The following AUTS2 variants were observed in gnomAD, a reference collection of about 807,000 sequenced individuals.
The protein encoded by AUTS2 is autism susceptibility gene 2 protein.
AUTS2 carries 17 observed loss-of-function variants against 112.4 expected under a neutral mutation model. That is an observed-to-expected ratio of 0.15 (90% CI 0.10 to 0.23). The LOEUF is 0.23. Ranked by LOEUF, AUTS2 falls within the 10% of genes least tolerant of loss-of-function variation. The pLI is 1.00. For missense variants in AUTS2, 1,510 were observed against 1,701.6 expected, an observed-to-expected ratio of 0.89 and a Z score of 1.98; for synonymous variants, 751 against 702.7, an observed-to-expected ratio of 1.07 and a Z score of -1.09.
At chr7:70,337,503 C>A (rs1452940729) in intron 4 of AUTS2, among the ~76,000 whole-genome samples, 1 of 152,182 alleles carries the variant, frequency 6.6e-6, no homozygotes, top group Non-Finnish European at 1.5e-5. Flanking sequence ...GTGCACTGTT[C>A]TGGAGGGTGA....
At chr7:70,719,150 A>T (rs1020637669) in intron 6 of AUTS2, among the ~76,000 whole-genome samples, 1 of 152,184 alleles carries the variant, frequency 6.6e-6, no homozygotes, top group Non-Finnish European at 1.5e-5. Flanking sequence ...TGAGGAAACT[A>T]AGGCTGAACA....
intron 1 of AUTS2, among the ~76,000 whole-genome samples, chr7:69,826,577 A>G (rs899728089): frequency 2.0e-5 from 3 of 152,164 alleles, no homozygotes; most frequent in Non-Finnish European, 2.9e-5. Context: ...GCATCTTGCC[A>G]TTTGCCTCTG....
Position 70,789,983 on chromosome 7 carries a change from G to A in AUTS2, c.2767G>A (p.Gly923Ser), listed in dbSNP as rs1449975429. The change falls in exon 19 of 19, where the codon GGC becomes AGC. Residue 923 changes from glycine (G) to serine (S), a missense_variant. Around this residue, in one of 3 missense-constraint regions of AUTS2, gnomAD observed 788 missense variants for 797.6 expected, o/e 0.99. Coordinates refer to ENST00000342771, the MANE Select transcript of AUTS2 (RefSeq NM_015570.4). Reference sequence around the variant, plus strand: ...CCACCTGCCCGAGAAGGACGGGCACGGCCACGAGGGGCGCGCCGCGGGCGA... The same window carrying A: ...CCACCTGCCCGAGAAGGACGGGCACAGCCACGAGGGGCGCGCCGCGGGCGA... ...EGHLPEKDGH[G>S]HEGRAAGEEA... 14 of 1,609,310 alleles carry A rather than the reference G, an allele frequency of 8.7e-6. No homozygotes were observed. The highest frequency in any genetic ancestry group is 1.7e-5 in the Admixed American group (1 of 59,464).
intron 1 of AUTS2, among the ~76,000 whole-genome samples, chr7:69,676,595 C>T (rs1300243377): frequency 6.6e-6 from 1 of 152,110 alleles, no homozygotes; most frequent in Non-Finnish European, 1.5e-5. Context: ...ATAAGTGTGA[C>T]TTAAGTAAGT....
At chr7:69,703,524 C>T (rs1431482755) in intron 1 of AUTS2, among the ~76,000 whole-genome samples, 3 of 152,172 alleles carry the variant, frequency 2.0e-5, no homozygotes. Flanking sequence ...GCCTTTAGTA[C>T]TCTGCCTTCA....
chr7:70,535,090 A>G (rs540988747), intron 5 of AUTS2, among the ~76,000 whole-genome samples: 130 of 151,882 alleles, frequency 8.6e-4, no homozygotes, highest in African/African-American at 3.0e-3. Flanking sequence ...ACTCAAAGAA[A>G]TTCTGATGAT....
At chr7:70,366,097 T>A (rs561173495) in intron 4 of AUTS2, among the ~76,000 whole-genome samples, 1 of 152,200 alleles carries the variant, frequency 6.6e-6, no homozygotes, top group African/African-American at 2.4e-5. Flanking sequence ...GTATTTTATA[T>A]GTTAAATCTC....
At chr7:70,249,741 T>C (rs1307045517) in intron 4 of AUTS2, among the ~76,000 whole-genome samples, 1 of 151,920 alleles carries the variant, frequency 6.6e-6, no homozygotes, top group Admixed American at 6.6e-5. Context: ...TTTCTCTGAC[T>C]CAAACTCAGT....
intron 4 of AUTS2, among the ~76,000 whole-genome samples, chr7:70,411,328 C>G (rs959381257): frequency 2.0e-5 from 3 of 152,160 alleles, no homozygotes; most frequent in African/African-American, 7.2e-5. Context: ...CGGCTCATTT[C>G]TATTGCATGA....
At chr7:70,532,214 C>T (rs1385289673) in intron 5 of AUTS2, among the ~76,000 whole-genome samples, 1 of 152,162 alleles carries the variant, frequency 6.6e-6, no homozygotes, top group Non-Finnish European at 1.5e-5. Context: ...GCTGATGAGC[C>T]ACTGGCCAAT....
chr7:70,540,228 T>G (rs1370752764), intron 5 of AUTS2, among the ~76,000 whole-genome samples: 2 of 152,158 alleles, frequency 1.3e-5, no homozygotes, highest in Non-Finnish European at 2.9e-5. Context: ...GTGGTGGTCA[T>G]TCTCTTGGAT....
At position 70,158,618 on chromosome 7, in the gene AUTS2, AAGACGTCC is replaced by A. The variant is rs1288802810; in HGVS notation, c.660+24049_660+24056del. Among the ~76,000 whole-genome samples the A allele has an allele frequency of 3.3e-5, 5 of 152,098 alleles. 1 individual carries two copies. The highest frequency in any genetic ancestry group is 2.1e-4 in the South Asian group (1 of 4,814). ...TTACATTTTGGGTGTATTCATTTTT[AAGACGTCC>A]ATGGGATGAGCAAAGAAAGAGATCC... is the stretch of plus-strand genomic sequence containing the variant. On this transcript the variant is annotated intron_variant, in intron 4 of 18. Coordinates refer to ENST00000342771, the MANE Select transcript of AUTS2 (RefSeq NM_015570.4).
chr7:70,535,648 C>T lies in AUTS2; in HGVS notation c.690+99867C>T, dbSNP rs191033644. ...CAGGCTGGTCTCAAACTCCTGACCT[C>T]AGGTGATCCACCCGCCTCAGCTTCC... On this transcript the variant is annotated intron_variant, in intron 5 of 18. Coordinates refer to ENST00000342771, the MANE Select transcript of AUTS2 (RefSeq NM_015570.4). Among the ~76,000 whole-genome samples the T allele has an allele frequency of 5.0e-3, 760 of 152,244 alleles. 7 individuals carry two copies. Among genetic ancestry groups the T allele is most frequent in the African/African-American group, 0.017 (710 of 41,542 alleles).
chr7:70,340,085 G>C (rs529390045), intron 4 of AUTS2, among the ~76,000 whole-genome samples: 50 of 151,760 alleles, frequency 3.3e-4, no homozygotes, highest in Admixed American at 1.3e-4. Flanking sequence ...TAAAAATGGG[G>C]ATAATAATAC....
intron 2 of AUTS2, 79 bp downstream of exon 2, chr7:69,899,577 A>C (rs1562958105): frequency 3.7e-6 from 5 of 1,361,718 alleles, no homozygotes; most frequent in Non-Finnish European, 5.2e-6. Context: ...GGTTTTTCGT[A>C]ACAGGTGGAG....
At chr7:70,035,568 G>A (rs1290612084) in intron 2 of AUTS2, among the ~76,000 whole-genome samples, 1 of 152,172 alleles carries the variant, frequency 6.6e-6, no homozygotes, top group Non-Finnish European at 1.5e-5. Context: ...TTCAAAAGTT[G>A]TATGGACTCT....
chr7:69,731,415 T>C (rs771911367), intron 1 of AUTS2, among the ~76,000 whole-genome samples: 1 of 152,194 alleles, frequency 6.6e-6, no homozygotes, highest in Non-Finnish European at 1.5e-5. Context: ...AAACTCAGTT[T>C]CCTCCACTGT....
intron 5 of AUTS2, among the ~76,000 whole-genome samples, chr7:70,637,356 T>C (rs901078719): frequency 6.6e-6 from 1 of 152,206 alleles, no homozygotes; most frequent in Non-Finnish European, 1.5e-5. Flanking sequence ...CCATAGTACG[T>C]TGCGTATATA....
chr7:70,413,472 C>A (rs1326606836), intron 4 of AUTS2, among the ~76,000 whole-genome samples: 1 of 152,110 alleles, frequency 6.6e-6, no homozygotes, highest in Non-Finnish European at 1.5e-5. Flanking sequence ...ACAGAAAAGA[C>A]AACAAAGGGG....
Sources: allele counts gnomAD v4.1 joint callset (sites outside exome capture counted in the v4.1 genomes callset), GRCh38; gene constraint gnomAD v4.1.1; regional missense constraint gnomAD v4.1.1; transcripts MANE v1.5; gene names NCBI Gene and HGNC (gene_info 2026-07-23, HGNC 2026-07-21).